Variants in FOXRED2 observed in about 807,000 individuals in gnomAD.
The protein encoded by FOXRED2 is FAD dependent oxidoreductase domain containing 2.
FOXRED2 carries 32 observed loss-of-function variants against 52.5 expected under a neutral mutation model. The ratio of observed to expected loss-of-function variants is 0.61; its 90% confidence interval spans 0.46 to 0.82. The LOEUF (loss-of-function observed/expected upper bound fraction) is 0.82, where lower values mean the gene tolerates loss of function less well. Ranked by LOEUF, FOXRED2 falls within the 40% of genes least tolerant of loss-of-function variation. The pLI, the probability that FOXRED2 is intolerant of heterozygous loss-of-function variation, is 0.00. For synonymous variants in FOXRED2, 405 were observed against 398.1 expected, an observed-to-expected ratio of 1.02 and a Z score of -0.21; for missense variants, 848 against 937.5, an observed-to-expected ratio of 0.90 and a Z score of 1.25.
At chr22:36,501,547 G>A (rs1934050014) in intron 4 of FOXRED2, 140 bp from the exon 5 acceptor site, 4 of 759,920 alleles carry the variant, frequency 5.3e-6, no homozygotes, top group East Asian at 2.8e-5. Flanking sequence ...TGCAACCTCT[G>A]CCTCCTGGGT....
intron 8 of FOXRED2, among the ~76,000 whole-genome samples, chr22:36,492,709 G>T (rs1444493269): frequency 2.0e-5 from 3 of 152,112 alleles, no homozygotes; most frequent in African/African-American, 4.8e-5. Flanking sequence ...TAGAAATGGG[G>T]TTTCACCATG....
intron 8 of FOXRED2, among the ~76,000 whole-genome samples, chr22:36,490,812 G>C (rs1933736667): frequency 6.6e-6 from 1 of 152,184 alleles, no homozygotes; most frequent in Non-Finnish European, 1.5e-5. Context: ...GCTGGTGCAT[G>C]AATCAAATTT....
At chr22:36,490,370 C>G (rs1933725000) in intron 8 of FOXRED2, 103 bp from the exon 9 acceptor site, 1 of 1,319,198 alleles carries the variant, frequency 7.6e-7, no homozygotes, top group Non-Finnish European at 1.0e-6. Context: ...TCACTGCAGG[C>G]CTTGCCTGGT....
chr22:36,490,061 G>A lies in FOXRED2; in HGVS notation c.2002C>T (p.Leu668=), dbSNP rs779839413. The A allele has an allele frequency of 6.2e-7, 1 of 1,611,598 alleles. No individual in the cohort carries two copies. The highest frequency in any genetic ancestry group is 2.2e-5 in the East Asian group (1 of 44,792). The change falls in exon 9 of 9, where the codon CTG becomes TTG. Residue 668 remains leucine (L), a synonymous_variant. Transcript: ENST00000397224. ...LGDQEPLGSP[L]APGPLAQSVD... is the part of the protein sequence containing the mutation. ...GACTGAGCCAGAGGCCCTGGAGCCAGGGGGGAACCTAGTGGCTCTTGGTCG... is the reference window on the plus strand; with the variant it reads ...GACTGAGCCAGAGGCCCTGGAGCCAAGGGGGAACCTAGTGGCTCTTGGTCG...
At chr22:36,493,521 C>T (rs1933813703) in intron 8 of FOXRED2, 112 bp downstream of exon 8, 11 of 818,226 alleles carry the variant, frequency 1.3e-5, no homozygotes, top group Non-Finnish European at 2.1e-5. Flanking sequence ...GAACAGTAGT[C>T]TGGGGTTTGG....
Position 36,497,997 on chromosome 22 carries a change from A to AAC in FOXRED2, c.1374_1375dup (p.Leu459CysfsTer2). On this transcript the variant is annotated frameshift_variant, in exon 6 of 9. Coordinates refer to ENST00000397224, the MANE Select transcript of FOXRED2 (RefSeq NM_001102371.2). LOFTEE classifies it high-confidence loss of function. ...GTGGGGACGGGCTACTCACTCCTTC[A>AAC]ACAGGATGACATCGGCCAGCACACC... 2 of 1,613,760 alleles carry AAC rather than the reference A, an allele frequency of 1.2e-6. No individual in the cohort carries two copies. The highest frequency in any genetic ancestry group is 1.7e-6 in the Non-Finnish European group (2 of 1,179,796).
Position 36,506,182 on chromosome 22 carries a change from T to C in FOXRED2, c.241A>G (p.Ile81Val). 1 of 1,614,216 alleles carries C rather than the reference T, an allele frequency of 6.2e-7. No homozygotes were observed. Residue 81 changes from isoleucine (I) to valine (V), a missense_variant, in exon 2 of 9, where the codon ATC becomes GTC. Coordinates refer to ENST00000397224, the MANE Select transcript of FOXRED2 (RefSeq NM_001102371.2). ...RYPRHRKLIS[I>V]NKRYTGKANA... The stretch of plus-strand genomic sequence containing the variant: ...GCCTTGCCCGTGTACCGCTTGTTGA[T>C]GCTGATGAGCTTGCGGTGCCGCGGG...
chr22:36,506,132 G>A lies in FOXRED2; in HGVS notation c.291C>T (p.His97=), dbSNP rs1934187606. 16 of 1,614,164 alleles carry A rather than the reference G, an allele frequency of 9.9e-6. No individual in the cohort carries two copies. The highest frequency in any genetic ancestry group is 2.2e-5 in the East Asian group (1 of 44,904). Residue 97 remains histidine, a synonymous_variant, in exon 2 of 9, where the codon CAC becomes CAT. Transcript: ENST00000397224. ...GKANAEFNLR[H]DWNSLLSHDP... ...CGTGGCTGAGCAGAGAGTTCCAGTC[G>A]TGGCGGAGGTTGAACTCGGCGTTAG...
chr22:36,492,279 G>A (rs1933776270), intron 8 of FOXRED2, among the ~76,000 whole-genome samples: 1 of 152,148 alleles, frequency 6.6e-6, no homozygotes, highest in Non-Finnish European at 1.5e-5. Context: ...GCAGAATCTG[G>A]GGCCAGCACT....
intron 4 of FOXRED2, 101 bp downstream of exon 4, chr22:36,503,997 G>T: frequency 7.8e-7 from 1 of 1,276,098 alleles, no homozygotes; most frequent in Non-Finnish European, 1.1e-6. Flanking sequence ...GTGCTGTCCT[G>T]AGAGCTCTGT....
In FOXRED2 at chr22:36,492,544, G is replaced by A. The variant is rs373726609; in HGVS notation, c.1795+1089C>T. 1.2e-4 allele frequency among the ~76,000 whole-genome samples: 19 copies of A among 152,220 alleles called. No homozygotes were observed. In the East Asian group the frequency reaches 1.7e-3, roughly 14 times the overall value. On this transcript the variant is annotated intron_variant, in intron 8 of 8. Coordinates refer to ENST00000397224, the MANE Select transcript of FOXRED2 (RefSeq NM_001102371.2). ...GTTGTTGGTTTTGAGATGGAGTCTC[G>A]CTCTGTTGCCCAGGCTGGAGTGCAG...
At chr22:36,501,157 T>C in intron 5 of FOXRED2, 84 bp downstream of exon 5, 1 of 1,400,350 alleles carries the variant, frequency 7.1e-7, no homozygotes, top group Non-Finnish European at 9.9e-7. Flanking sequence ...CTAATGCTTC[T>C]GGACATAGGA....
At position 36,500,164 on chromosome 22, in the gene FOXRED2, G is replaced by A. The variant is rs368240472; in HGVS notation, c.1216+1077C>T. Among the ~76,000 whole-genome samples the A allele has an allele frequency of 3.3e-5, 5 of 152,322 alleles. No individual in the cohort carries two copies. The South Asian group carries it at 6.2e-4, about 19-fold the overall frequency. On this transcript the variant is annotated intron_variant, in intron 5 of 8. Transcript: ENST00000397224. Reference sequence around the variant, plus strand: ...CCAGTTTGCTTTCTATGAAAGAAGAGAAGACCTTTGTAGAAAGTGTCTTTC... The same window carrying A: ...CCAGTTTGCTTTCTATGAAAGAAGAAAAGACCTTTGTAGAAAGTGTCTTTC...
chr22:36,496,889 G>A (rs771690811), intron 6 of FOXRED2, among the ~76,000 whole-genome samples: 69 of 152,222 alleles, frequency 4.5e-4, no homozygotes, highest in Admixed American at 1.1e-3. Context: ...GTGGGGTGTT[G>A]AGACAGGGGT....
chr22:36,496,419 A>G (rs1933899902), intron 6 of FOXRED2, among the ~76,000 whole-genome samples: 1 of 152,194 alleles, frequency 6.6e-6, no homozygotes, highest in South Asian at 2.1e-4. Context: ...CCTGAATGGG[A>G]TATCTGGGGA....
At chr22:36,504,876 C>T in intron 2 of FOXRED2, 110 bp from the exon 3 acceptor site, 4 of 1,161,674 alleles carry the variant, frequency 3.4e-6, no homozygotes, top group Non-Finnish European at 3.6e-6. Flanking sequence ...AACCGCCGGC[C>T]CCTAAAAGAA....
At chr22:36,501,789 T>A (rs1257608902) in intron 4 of FOXRED2, among the ~76,000 whole-genome samples, 2 of 152,264 alleles carry the variant, frequency 1.3e-5, no homozygotes, top group African/African-American at 2.4e-5. Flanking sequence ...TGGCACTTAT[T>A]ACTGGCACTG....
chr22:36,493,460 T>C (rs1031995481), intron 8 of FOXRED2, among the ~76,000 whole-genome samples, 173 bp downstream of exon 8: 16 of 150,672 alleles, frequency 1.1e-4, no homozygotes, highest in African/African-American at 3.9e-4. Flanking sequence ...AAAGAAGACA[T>C]ATTATCCATT....
chr22:36,502,228 T>C (rs936907793), intron 4 of FOXRED2, among the ~76,000 whole-genome samples: 1 of 152,090 alleles, frequency 6.6e-6, no homozygotes, highest in Non-Finnish European at 1.5e-5. Context: ...CTCACGCCTG[T>C]AATCCTAGCA....
Sources: gnomAD v4.1 joint callset for allele counts (sites outside exome capture counted in the v4.1 genomes callset) on GRCh38, gnomAD v4.1.1 for gene constraint, MANE v1.5 for transcripts, NCBI Gene and HGNC (gene_info 2026-07-23, HGNC 2026-07-21) for gene names.